Variants in ELP2 observed in about 807,000 individuals in gnomAD.
ELP2 encodes elongator acetyltransferase complex subunit 2, also known as elongator complex protein 2.
A neutral mutation model predicts 119.2 loss-of-function variants in ELP2; 90 were observed. The ratio of observed to expected loss-of-function variants is 0.75; its 90% CI spans 0.64 to 0.90. The LOEUF is 0.90. Among genes scored for constraint, ELP2 ranks in the 40% least tolerant of loss-of-function variants. ELP2 has a pLI of 0.00. For missense variants in ELP2, 921 were observed against 967.8 expected (o/e 0.95, Z 0.64); for synonymous variants, 339 against 331.0 (o/e 1.02, Z -0.26).
Position 36,151,834 on chromosome 18 carries a change from G to T in ELP2, c.1126-3016G>T, listed in dbSNP as rs139114109. Among the ~76,000 whole-genome samples the T allele has an allele frequency of 2.2e-3, 324 of 144,448 alleles. 5 individuals carry two copies. The highest frequency in any genetic ancestry group is 7.1e-3 in the African/African-American group (277 of 38,804). 94.8% of individuals were successfully genotyped at this position (144,448 alleles called of 152,430 possible). A position where few individuals can be genotyped will look rare whatever the true frequency, so the allele number is the denominator to read the frequency against. On this transcript the variant is annotated intron_variant, in intron 11 of 21. Transcript: ENST00000358232. ...CATGATCTTGGCTCACTGCACTCTC[G>T]CCTCCCTGGTTCAATTGATTCTCCT... is the stretch of plus-strand genomic sequence containing the variant.
Position 36,175,571 on chromosome 18 carries a change from T to C in ELP2, c.*930T>C, listed in dbSNP as rs1058283. ...GGTAAAAAATAGAGTTCTGAAACATTTGAATTTATGTGACAGCTGAAGTCA... is the reference window on the plus strand; with the variant it reads ...GGTAAAAAATAGAGTTCTGAAACATCTGAATTTATGTGACAGCTGAAGTCA... On this transcript the variant is annotated 3_prime_UTR_variant, in exon 22 of 22. Transcript: ENST00000358232. The C allele has an allele frequency of 6.6e-6, 1 of 152,140 alleles. No homozygotes were observed. The highest frequency in any genetic ancestry group is 2.1e-4 in the South Asian group (1 of 4,824). 9.4% of individuals were successfully genotyped at this position (152,140 alleles called of 1,614,324 possible). A position where few individuals can be genotyped will look rare whatever the true frequency, so the allele number is the denominator to read the frequency against.
rs57722627 is a variant in ELP2 at position 36,137,803 on chromosome 18, CAAAAAAA to C, written c.289-449_289-443del. ...TCCCAAAGTATACTCATATTATCACCAAAAAAAAAAAAAAAAAAAAAAAATTAACATC... is the reference window on the plus strand; with the variant it reads ...TCCCAAAGTATACTCATATTATCACCAAAAAAAAAAAAAAAAATTAACATC... On this transcript the variant is annotated intron_variant, in intron 3 of 21. Transcript: ENST00000358232. Among the ~76,000 whole-genome samples, 485 of 103,686 alleles carry C rather than the reference CAAAAAAA, an allele frequency of 4.7e-3. 2 individuals are homozygous for C. Among genetic ancestry groups the C allele is most frequent in the African/African-American group, 0.016 (452 of 28,486 alleles). The allele number at this position is 103,686 out of a possible 152,430, so 68.0% of individuals were successfully genotyped here. A position where few individuals can be genotyped will look rare whatever the true frequency, so the allele number is the denominator to read the frequency against.
intron 19 of ELP2, among the ~76,000 whole-genome samples, chr18:36,169,536 G>GCCA (rs1568027430): frequency 6.6e-6 from 1 of 151,548 alleles, no homozygotes; most frequent in African/African-American, 2.4e-5. Flanking sequence ...ACAGGCACCC[G>GCCA]CCACCACGCC....
chr18:36,142,603 A>T (rs765230272), intron 7 of ELP2, among the ~76,000 whole-genome samples: 7 of 152,200 alleles, frequency 4.6e-5, no homozygotes, highest in Non-Finnish European at 1.0e-4. Context: ...TGTAGAACTT[A>T]GTAGACTATA....
intron 19 of ELP2, among the ~76,000 whole-genome samples, chr18:36,168,318 C>G (rs2090966930): frequency 6.6e-6 from 1 of 152,186 alleles, no homozygotes; most frequent in Non-Finnish European, 1.5e-5. Context: ...GTGCTTGATG[C>G]TGAGGAAGAA....
At chr18:36,148,780 G>A (rs771205971) in intron 11 of ELP2, among the ~76,000 whole-genome samples, 4 of 152,194 alleles carry the variant, frequency 2.6e-5, no homozygotes, top group Non-Finnish European at 4.4e-5. Flanking sequence ...GGAAGCTGAC[G>A]CAGGAGGATT....
chr18:36,141,135 AGTACCAATATTAGCAT>A lies in ELP2; in HGVS notation c.525_540del (p.Pro176AlafsTer44). On this transcript the variant is annotated splice_acceptor_variant and coding_sequence_variant, in exon 6 of 22. Coordinates refer to ENST00000358232, the MANE Select transcript of ELP2 (RefSeq NM_018255.4). LOFTEE classifies it high-confidence loss of function. Reference sequence around the variant, plus strand: ...AGTGAAGCCTGTTTTTTCTTCCCCCAGTACCAATATTAGCATGTGGCAATGATGATTGCAGAATTCA... The same window carrying A: ...AGTGAAGCCTGTTTTTTCTTCCCCCAGTGGCAATGATGATTGCAGAATTCA... The A allele has an allele frequency of 6.2e-7, 1 of 1,613,362 alleles. No homozygotes were observed. The highest frequency in any genetic ancestry group is 8.5e-7 in the Non-Finnish European group (1 of 1,179,352).
intron 8 of ELP2, among the ~76,000 whole-genome samples, chr18:36,143,386 T>A (rs1419372718): frequency 6.6e-6 from 1 of 150,942 alleles, no homozygotes; most frequent in African/African-American, 2.4e-5. Context: ...CCTCCCAAAG[T>A]GCTGGGATTA....
intron 11 of ELP2, 62 bp downstream of exon 11, chr18:36,146,443 GT>G (rs1216004269): frequency 1.3e-6 from 2 of 1,574,216 alleles, no homozygotes; most frequent in Non-Finnish European, 1.7e-6. Flanking sequence ...TAGGTAAATA[GT>G]ATTTTGCTTA....
chr18:36,175,822 T>C lies in ELP2; in HGVS notation c.*1181T>C, dbSNP rs923028469. ...TTGGAACATAGAGCCATTTGGCAGA[T>C]TGACAATGCAGTGACAGCTGTATAT... is the stretch of plus-strand genomic sequence containing the variant. On this transcript the variant is annotated 3_prime_UTR_variant, in exon 22 of 22. Transcript: ENST00000358232. The C allele has an allele frequency of 2.0e-5, 3 of 152,002 alleles. No homozygotes were observed. Among genetic ancestry groups the C allele is most frequent in the African/African-American group, 7.3e-5 (3 of 41,368 alleles). 9.4% of individuals were successfully genotyped at this position (152,002 alleles called of 1,614,324 possible).
chr18:36,164,169 C>T (rs2090824118), intron 17 of ELP2, among the ~76,000 whole-genome samples: 1 of 151,914 alleles, frequency 6.6e-6, no homozygotes, highest in African/African-American at 2.4e-5. Context: ...TATTTTTCCC[C>T]CTCCATGTCA....
rs2091030968 is a variant in ELP2, at chr18:36,170,060, T to C, written c.2077-3T>C. ...TTTACAGTGTGTGATCTGTCTGTAT[T>C]AGGTGGTTGTCTGGGGTGAGTGCGA... On this transcript the variant is annotated splice_polypyrimidine_tract_variant and splice_region_variant and intron_variant, in intron 19 of 21. Coordinates refer to ENST00000358232, the MANE Select transcript of ELP2 (RefSeq NM_018255.4). 2 of 1,614,026 alleles carry C rather than the reference T, an allele frequency of 1.2e-6. No homozygotes were observed. Among genetic ancestry groups the C allele is most frequent in the Non-Finnish European group, 1.7e-6 (2 of 1,180,028 alleles).
At chr18:36,158,414 G>A (rs1364645277) in intron 13 of ELP2, 1 of 163,576 alleles carries the variant, frequency 6.1e-6, no homozygotes. Flanking sequence ...TCCCTTCTGG[G>A]AAGCATCTGT....
intron 21 of ELP2, among the ~76,000 whole-genome samples, chr18:36,173,868 C>T (rs553907126): frequency 6.6e-6 from 1 of 152,112 alleles, no homozygotes; most frequent in Non-Finnish European, 1.5e-5. Context: ...TCCTAACATA[C>T]GTTGGTAACA....
intron 2 of ELP2, among the ~76,000 whole-genome samples, chr18:36,135,444 T>A (rs928206367): frequency 4.6e-5 from 7 of 152,228 alleles, no homozygotes; most frequent in Non-Finnish European, 5.9e-5. Context: ...AAGCCCATGA[T>A]CACAGTTGGC....
chr18:36,169,109 A>G (rs1175973498), intron 19 of ELP2, among the ~76,000 whole-genome samples: 1 of 151,074 alleles, frequency 6.6e-6, no homozygotes, highest in Admixed American at 6.6e-5. Flanking sequence ...TATTTTTAGT[A>G]GAAACGGGGT....
chr18:36,141,025 G>A, intron 5 of ELP2, 112 bp from the exon 6 acceptor site: 3 of 851,424 alleles, frequency 3.5e-6, no homozygotes, highest in Non-Finnish European at 6.1e-6. Flanking sequence ...GTAGTGGTGT[G>A]GGAAATTGAA....
chr18:36,148,158 A>G (rs187050130), intron 11 of ELP2, among the ~76,000 whole-genome samples: 147 of 146,460 alleles, frequency 1.0e-3, no homozygotes, highest in Admixed American at 5.4e-3. Flanking sequence ...CAGTGGCGCT[A>G]TCTCGGCTCA....
chr18:36,130,000 A>T lies in ELP2; in HGVS notation c.67A>T (p.Asn23Tyr). 6.2e-7 allele frequency: 1 copy of T among 1,614,088 alleles called. No homozygotes were observed. Residue 23 changes from asparagine to tyrosine, a missense_variant, in exon 1 of 22, where the codon AAC (asparagine) becomes TAC (tyrosine). Physicochemically the swap from Asn to Tyr is moderately radical, Grantham distance 143 (BLOSUM62 -2). Transcript: ENST00000358232. ...CCCAAACCGGGTGCGGGGAGTCCTG[A>T]ACTGGAGCTCTGGGCCCAGAGGACT... ...CCPNRVRGVL[N>Y]WSSGPRGLLA... is the part of the protein sequence containing the mutation.
Sources: allele counts gnomAD v4.1 joint callset (sites outside exome capture counted in the v4.1 genomes callset), GRCh38; gene constraint gnomAD v4.1.1; transcripts MANE v1.5; gene names NCBI Gene and HGNC (gene_info 2026-07-23, HGNC 2026-07-21).